The following EIF2AK3 variants were observed in gnomAD, a reference collection of about 807,000 sequenced individuals.
The protein encoded by EIF2AK3 is eukaryotic translation initiation factor 2 alpha kinase 3.
Under a neutral mutation model 113.5 loss-of-function variants are expected in EIF2AK3, and 50 were observed. That is an observed-to-expected ratio of 0.44 (90% confidence interval 0.35 to 0.56). The LOEUF (loss-of-function observed/expected upper bound fraction) is 0.56, where lower values mean the gene tolerates loss of function less well. Among genes scored for constraint, EIF2AK3 ranks in the 20% least tolerant of loss-of-function variants. The pLI is 0.00. For synonymous variants in EIF2AK3, 448 were observed against 495.4 expected, an observed-to-expected ratio of 0.90 and a Z score of 1.27; for missense variants, 1,185 against 1,378.0, an observed-to-expected ratio of 0.86 and a Z score of 2.22.
chr2:88,565,514 G>T (rs555782899), intron 14 of EIF2AK3, among the ~76,000 whole-genome samples: 1 of 150,870 alleles, frequency 6.6e-6, no homozygotes, highest in Non-Finnish European at 1.5e-5. Flanking sequence ...GCTAATTTTT[G>T]TATTTTTTGT....
At chr2:88,579,061 C>A (rs1434636367) in intron 11 of EIF2AK3, among the ~76,000 whole-genome samples, 1 of 151,858 alleles carries the variant, frequency 6.6e-6, no homozygotes, top group Non-Finnish European at 1.5e-5. Flanking sequence ...AAGCAACAGA[C>A]AAAACTGTAC....
At position 88,565,371 on chromosome 2, in the gene EIF2AK3, C is replaced by G. The variant is rs1159024178; in HGVS notation, c.2986-2981G>C. Among the ~76,000 whole-genome samples the G allele has an allele frequency of 3.5e-5, 5 of 142,404 alleles. No individual in the cohort carries two copies. In the East Asian group the frequency reaches 1.1e-3, roughly 30 times the overall value. 93.4% of individuals were successfully genotyped at this position (142,404 alleles called of 152,430 possible). On this transcript the variant is annotated intron_variant, in intron 14 of 16. Transcript: ENST00000303236. Reference sequence around the variant, plus strand: ...TTTTTTTTTTTTTTTAAAGGGGTTTCACTCTGTCACCCAGGCTGGAGCACG... The same window carrying G: ...TTTTTTTTTTTTTTTAAAGGGGTTTGACTCTGTCACCCAGGCTGGAGCACG...
At chr2:88,559,999 T>C (rs1293390438) in intron 15 of EIF2AK3, among the ~76,000 whole-genome samples, 1 of 152,218 alleles carries the variant, frequency 6.6e-6, no homozygotes, top group Admixed American at 6.5e-5. Flanking sequence ...ATGGTAATTC[T>C]ATGTTTAACT....
At chr2:88,597,333 G>T (rs984316521) in intron 2 of EIF2AK3, among the ~76,000 whole-genome samples, 1 of 152,030 alleles carries the variant, frequency 6.6e-6, no homozygotes, top group Non-Finnish European at 1.5e-5. Context: ...TTCTTAACTG[G>T]AAATTTCCTT....
At chr2:88,561,411 G>A (rs1673956863) in intron 15 of EIF2AK3, among the ~76,000 whole-genome samples, 1 of 152,038 alleles carries the variant, frequency 6.6e-6, no homozygotes, top group Non-Finnish European at 1.5e-5. Context: ...ACAGGCACGT[G>A]CCACCATGCC....
intron 2 of EIF2AK3, among the ~76,000 whole-genome samples, chr2:88,600,917 A>T (rs900007378): frequency 6.6e-6 from 1 of 152,210 alleles, no homozygotes; most frequent in Non-Finnish European, 1.5e-5. Context: ...TTTGGAGTAC[A>T]TTCAACTTTA....
intron 14 of EIF2AK3, among the ~76,000 whole-genome samples, chr2:88,568,514 T>C (rs1313016751): frequency 6.6e-6 from 1 of 152,224 alleles, no homozygotes; most frequent in Non-Finnish European, 1.5e-5. Flanking sequence ...CCTTTAAATA[T>C]ACACCTTTTT....
intron 10 of EIF2AK3, among the ~76,000 whole-genome samples, chr2:88,580,948 T>C (rs915792866): frequency 6.6e-6 from 1 of 152,140 alleles, no homozygotes; most frequent in Non-Finnish European, 1.5e-5. Flanking sequence ...AAACTTCATA[T>C]CCTACTCCTG....
intron 1 of EIF2AK3, among the ~76,000 whole-genome samples, chr2:88,620,849 C>T (rs907217534): frequency 7.9e-5 from 12 of 152,314 alleles, no homozygotes; most frequent in African/African-American, 2.4e-4. Context: ...GAGCTTCCTA[C>T]GGAAAAGACA....
intron 13 of EIF2AK3, 92 bp from the exon 14 acceptor site, chr2:88,571,133 C>T (rs1674297563): frequency 7.2e-7 from 1 of 1,397,512 alleles, no homozygotes; most frequent in South Asian, 1.2e-5. Flanking sequence ...AGAAAAAATA[C>T]AACAAACTAG....
At chr2:88,589,710 G>A (rs911905219) in intron 6 of EIF2AK3, among the ~76,000 whole-genome samples, 1 of 151,026 alleles carries the variant, frequency 6.6e-6, no homozygotes, top group Non-Finnish European at 1.5e-5. Flanking sequence ...AACAGACAGA[G>A]TGTTGTCCTG....
At position 88,593,408 on chromosome 2, in the gene EIF2AK3, GA is replaced by G. The variant is rs1346797128; in HGVS notation, c.634-4del. The G allele has an allele frequency of 6.2e-7, 1 of 1,613,780 alleles. No homozygotes were observed. The highest frequency in any genetic ancestry group is 8.5e-7 in the Non-Finnish European group (1 of 1,179,886). ...AGAGCTGAACAGATATACCTCACCT[GA>G]AAAGACAAAATTAGATACAAAATTA... On this transcript the variant is annotated splice_region_variant and splice_polypyrimidine_tract_variant and intron_variant, in intron 3 of 16. Transcript: ENST00000303236.
In EIF2AK3 at chr2:88,567,630, G is replaced by A. The variant is rs764131584; in HGVS notation, c.2985+3244C>T. On this transcript the variant is annotated intron_variant, in intron 14 of 16. Transcript: ENST00000303236. Reference sequence around the variant, plus strand: ...TTCACAAGAACCATTGGCACATATCGTTCATTGGGTTTGATGTCTATTGCC... The same window carrying A: ...TTCACAAGAACCATTGGCACATATCATTCATTGGGTTTGATGTCTATTGCC... Among the ~76,000 whole-genome samples, 5 of 152,176 alleles carry A rather than the reference G, an allele frequency of 3.3e-5. No individual in the cohort carries two copies. In the East Asian group the frequency reaches 9.7e-4, roughly 29 times the overall value.
At chr2:88,585,723 A>T in intron 9 of EIF2AK3, 118 bp downstream of exon 9, 1 of 904,898 alleles carries the variant, frequency 1.1e-6, no homozygotes. Context: ...ATCACTGAGA[A>T]CTTTGGCAAG....
At chr2:88,569,942 CAGAT>C (rs1340619627) in intron 14 of EIF2AK3, among the ~76,000 whole-genome samples, 1 of 151,838 alleles carries the variant, frequency 6.6e-6, no homozygotes, top group African/African-American at 2.4e-5. Flanking sequence ...AACACAAAAG[CAGAT>C]AGAAGAATGT....
At chr2:88,572,964 G>A (rs1394590765) in intron 13 of EIF2AK3, among the ~76,000 whole-genome samples, 1 of 152,194 alleles carries the variant, frequency 6.6e-6, no homozygotes. Context: ...TTAGTCTGAA[G>A]AGGCAGGAGC....
At chr2:88,578,681 C>CAAAAAAAA (rs763427318) in intron 11 of EIF2AK3, among the ~76,000 whole-genome samples, 5 of 78,054 alleles carry the variant, frequency 6.4e-5, no homozygotes, top group African/African-American at 4.5e-5. Context: ...GACCCTGTCT[C>CAAAAAAAA]AAAAAAAAAA....
At chr2:88,600,673 G>C (rs1573412872) in intron 2 of EIF2AK3, among the ~76,000 whole-genome samples, 1 of 152,124 alleles carries the variant, frequency 6.6e-6, no homozygotes, top group East Asian at 1.9e-4. Context: ...ATGAATACCA[G>C]TGGCACTTGC....
intron 2 of EIF2AK3, among the ~76,000 whole-genome samples, chr2:88,609,944 A>AT: frequency 7.5e-6 from 1 of 133,332 alleles, no homozygotes. Flanking sequence ...CTCCATCTCT[A>AT]CAAAAAAAAA....
Sources: allele counts gnomAD v4.1 joint callset (sites outside exome capture counted in the v4.1 genomes callset), GRCh38; gene constraint gnomAD v4.1.1; transcripts MANE v1.5; gene names NCBI Gene and HGNC (gene_info 2026-07-23, HGNC 2026-07-21).